Variants in RPS6KC1 observed in about 807,000 individuals in gnomAD.
RPS6KC1 encodes ribosomal protein S6 kinase C1.
In RPS6KC1, 54 loss-of-function variants were observed where a neutral mutation model predicts 103.8. The observed-to-expected ratio is 0.52, with a 90% CI of 0.42 to 0.65. RPS6KC1 has a LOEUF of 0.65. RPS6KC1 is among the 30% of genes least tolerant of loss of function. The pLI, the probability that RPS6KC1 is intolerant of heterozygous loss-of-function variation, is 0.00. For synonymous variants in RPS6KC1, 439 were observed against 438.7 expected (o/e 1.00, Z -0.01); for missense variants, 1,151 against 1,253.8 (o/e 0.92, Z 1.24).
At chr1:213,169,755 GT>G (rs1314500374) in intron 7 of RPS6KC1, among the ~76,000 whole-genome samples, 2 of 146,046 alleles carry the variant, frequency 1.4e-5, no homozygotes, top group Non-Finnish European at 3.0e-5. Flanking sequence ...TATTGTAAAA[GT>G]TTTTTTAAAT....
chr1:213,764,423 C>G, the RPS6KC1 span, among the ~76,000 whole-genome samples: 12 of 152,288 alleles, frequency 7.9e-5, no homozygotes, highest in Admixed American at 2.0e-4. Flanking sequence ...AGCCTGCTTT[C>G]TCTCCTCCAT....
chr1:213,424,596 C>A, the RPS6KC1 span, among the ~76,000 whole-genome samples: 2 of 152,222 alleles, frequency 1.3e-5, no homozygotes, highest in Non-Finnish European at 2.9e-5. Flanking sequence ...TGGGTTTGAG[C>A]GTTAGTGCCC....
chr1:213,216,907 C>T (rs1372870098), intron 8 of RPS6KC1, among the ~76,000 whole-genome samples: 1 of 151,842 alleles, frequency 6.6e-6, no homozygotes, highest in Admixed American at 6.6e-5. Context: ...TAAATGCCCA[C>T]AAGAGAAAGC....
At chr1:213,830,168 C>T in the RPS6KC1 span, among the ~76,000 whole-genome samples, 6 of 152,124 alleles carry the variant, frequency 3.9e-5, no homozygotes, top group African/African-American at 1.2e-4. Flanking sequence ...TCTTTTGCAT[C>T]GCTGATACAA....
At chr1:213,674,133 C>T in the RPS6KC1 span, among the ~76,000 whole-genome samples, 4 of 152,136 alleles carry the variant, frequency 2.6e-5, no homozygotes, top group African/African-American at 7.2e-5. Context: ...ATTCTCTTAC[C>T]TCAGTCTCCC....
chr1:213,238,960 A>G lies in RPS6KC1; in HGVS notation c.1226-1742A>G, dbSNP rs139690263. 1.3e-4 allele frequency among the ~76,000 whole-genome samples: 20 copies of G among 152,308 alleles called. No homozygotes were observed. In the East Asian group the frequency reaches 3.7e-3, roughly 28 times the overall value. On this transcript the variant is annotated intron_variant, in intron 10 of 14. Coordinates refer to ENST00000366960, the MANE Select transcript of RPS6KC1 (RefSeq NM_012424.6). ...GTTCAAGCATTGTTAGAGTGCCACA[A>G]TATAGGTATTTGTGGTAAGAGAATG...
chr1:213,333,157 C>T, the RPS6KC1 span, among the ~76,000 whole-genome samples: 1 of 152,200 alleles, frequency 6.6e-6, no homozygotes, highest in South Asian at 2.1e-4. Context: ...GGATAAATAG[C>T]TATTCCGGCA....
the RPS6KC1 span, among the ~76,000 whole-genome samples, chr1:213,568,771 A>G: frequency 6.6e-6 from 1 of 152,166 alleles, no homozygotes; most frequent in South Asian, 2.1e-4. Context: ...GATGGGCCTC[A>G]CTCCAAAGCT....
At chr1:213,717,395 G>A in the RPS6KC1 span, among the ~76,000 whole-genome samples, 6 of 152,252 alleles carry the variant, frequency 3.9e-5, no homozygotes, top group East Asian at 5.8e-4. Context: ...AAACAAGAAG[G>A]AAAAAAGTAA....
the RPS6KC1 span, among the ~76,000 whole-genome samples, chr1:213,728,948 G>GTTTTGTTT: frequency 1.1e-5 from 1 of 91,298 alleles, no homozygotes; most frequent in South Asian, 4.0e-4. Flanking sequence ...TTTTTTTTTT[G>GTTTTGTTT]TTTTTTTTTT....
the RPS6KC1 span, among the ~76,000 whole-genome samples, chr1:213,550,461 A>AT: frequency 2.6e-5 from 4 of 152,106 alleles, no homozygotes; most frequent in African/African-American, 9.6e-5. Context: ...TAATACATCG[A>AT]TTCGCTTCCC....
intron 10 of RPS6KC1, among the ~76,000 whole-genome samples, chr1:213,234,014 C>CTTTTTTTT (rs565425301): frequency 7.4e-6 from 1 of 135,152 alleles, no homozygotes; most frequent in Non-Finnish European, 1.6e-5. Context: ...CTCTCTCTCT[C>CTTTTTTTT]TTTTTTTTTT....
the RPS6KC1 span, among the ~76,000 whole-genome samples, chr1:213,793,870 T>A: frequency 6.6e-6 from 1 of 152,106 alleles, no homozygotes; most frequent in Admixed American, 6.6e-5. Context: ...AAGGGTTTTT[T>A]TGTGTGTGTG....
chr1:213,394,709 T>G, the RPS6KC1 span, among the ~76,000 whole-genome samples: 144 of 152,292 alleles, frequency 9.5e-4, no homozygotes, highest in African/African-American at 3.2e-3. Context: ...GGGGAATGGC[T>G]GTATTGGGGT....
chr1:213,230,491 A>C lies in RPS6KC1; in HGVS notation c.1045-6A>C, dbSNP rs368268337. ...TAATAAATTATTACTCGTGTCTTTT[A>C]TGTAGGTTTTACTTGTAATGGACAC... is the stretch of plus-strand genomic sequence containing the variant. On this transcript the variant is annotated splice_polypyrimidine_tract_variant and splice_region_variant and intron_variant, in intron 8 of 14. Transcript: ENST00000366960. 2.5e-6 allele frequency: 4 copies of C among 1,586,974 alleles called. No homozygotes were observed. Among genetic ancestry groups the C allele is most frequent in the African/African-American group, 2.7e-5 (2 of 73,832 alleles).
chr1:213,669,233 A>G, the RPS6KC1 span, among the ~76,000 whole-genome samples: 1 of 152,228 alleles, frequency 6.6e-6, no homozygotes, highest in Non-Finnish European at 1.5e-5. Flanking sequence ...TTTGATTTAA[A>G]GTGAAAGACA....
chr1:213,635,052 C>T, the RPS6KC1 span, among the ~76,000 whole-genome samples: 12 of 152,258 alleles, frequency 7.9e-5, no homozygotes, highest in East Asian at 7.7e-4. Flanking sequence ...GACACATACA[C>T]CCTCCCAAAA....
the RPS6KC1 span, among the ~76,000 whole-genome samples, chr1:213,434,238 C>T: frequency 6.6e-6 from 1 of 152,074 alleles, no homozygotes; most frequent in African/African-American, 2.4e-5. Context: ...TCTTGGAGTA[C>T]AGATATCCTG....
chr1:213,463,918 C>G, the RPS6KC1 span, among the ~76,000 whole-genome samples: 1 of 152,124 alleles, frequency 6.6e-6, no homozygotes, highest in Non-Finnish European at 1.5e-5. Context: ...TCATTGATAT[C>G]AGAATAATCA....
Sources: allele counts gnomAD v4.1 joint callset (sites outside exome capture counted in the v4.1 genomes callset), GRCh38; gene constraint gnomAD v4.1.1; transcripts MANE v1.5; gene names NCBI Gene and HGNC (gene_info 2026-07-23, HGNC 2026-07-21).